Variants in PTPRS observed in about 807,000 individuals in gnomAD.
The protein encoded by PTPRS is receptor-type tyrosine-protein phosphatase S.
In PTPRS, 63 loss-of-function variants were observed where a neutral mutation model predicts 215.3. The ratio of observed to expected loss-of-function variants is 0.29; its 90% CI spans 0.24 to 0.36. The LOEUF (loss-of-function observed/expected upper bound fraction) is 0.36. PTPRS is among the 10% of genes least tolerant of loss of function. The pLI, the probability that PTPRS is intolerant of heterozygous loss-of-function variation, is 1.00. For missense variants in PTPRS, 2,258 were observed against 2,825.8 expected (o/e 0.80, Z 4.56); for synonymous variants, 1,404 against 1,191.4 (o/e 1.18, Z -3.68).
At position 5,208,253 on chromosome 19, in the gene PTPRS, T is replaced by G; in HGVS notation, c.5626A>C (p.Ile1876Leu). The G allele has an allele frequency of 1.9e-6, 3 of 1,606,036 alleles. No individual in the cohort carries two copies. Among genetic ancestry groups the G allele is most frequent in the Non-Finnish European group, 1.7e-6 (2 of 1,175,912 alleles). ...GGAGCTCACCTGCAGTGGACAGAGATGGGGCCGTCCTGGCCAAACTGCTCC... is the reference window on the plus strand; with the variant it reads ...GGAGCTCACCTGCAGTGGACAGAGAGGGGGCCGTCCTGGCCAAACTGCTCC... ...TKEQFGQDGP[I>L]SVHCSAGVGR... Residue 1876 changes from isoleucine (I) to leucine (L), a missense_variant, in exon 36 of 38, where the codon ATC (isoleucine) becomes CTC (leucine). By Grantham distance (5) the Ile-to-Leu change is conservative. Coordinates refer to ENST00000262963, the MANE Select transcript of PTPRS (RefSeq NM_002850.4).
intron 25 of PTPRS, among the ~76,000 whole-genome samples, chr19:5,217,920 T>C (rs2041631215): frequency 6.6e-6 from 1 of 152,076 alleles, no homozygotes; most frequent in South Asian, 2.1e-4. Flanking sequence ...CAGGGAACTA[T>C]AAAGAGGCAT....
At chr19:5,321,258 G>A (rs2050017368) in intron 1 of PTPRS, among the ~76,000 whole-genome samples, 1 of 152,126 alleles carries the variant, frequency 6.6e-6, no homozygotes, top group Non-Finnish European at 1.5e-5. Context: ...GGGCAACAGA[G>A]CAAGACCCTG....
rs776422958 is a variant in PTPRS at position 5,223,232 on chromosome 19, G to T, written c.2560C>A (p.Pro854Thr). The change falls in exon 18 of 38, where the codon CCC becomes ACC. Residue 854 changes from proline (P) to threonine (T), a missense_variant. Pro to Thr is a conservative substitution (Grantham distance 38). This residue lies in a region of PTPRS where 361 missense variants were observed against 332.6 expected (regional missense o/e 1.09). Transcript: ENST00000262963. ...TGGTCCTCCGCGGTGCCAGCCGGGG[G>T]CTCCCAGCGTGCCAGCAGGCTGCCC... The part of the protein sequence containing the change: ...PEGSLLARWE[P>T]PAGTAEDQVL... 3 of 1,491,342 alleles carry T rather than the reference G, an allele frequency of 2.0e-6. No homozygotes were observed. Among genetic ancestry groups the T allele is most frequent in the Non-Finnish European group, 8.9e-7 (1 of 1,120,898 alleles). 92.4% of individuals were successfully genotyped at this position (1,491,342 alleles called of 1,614,324 possible).
chr19:5,208,810 G>C (rs2040605167), intron 35 of PTPRS, among the ~76,000 whole-genome samples: 1 of 152,014 alleles, frequency 6.6e-6, no homozygotes, highest in African/African-American at 2.4e-5. Flanking sequence ...ATGACATCCA[G>C]CACCTCCATC....
chr19:5,208,124 G>A (rs756167401), intron 36 of PTPRS, 67 bp from the exon 37 acceptor site: 23 of 1,580,648 alleles, frequency 1.5e-5, no homozygotes, highest in Non-Finnish European at 1.8e-5. Context: ...CTGACCACCC[G>A]ATTCCCCGAG....
At chr19:5,229,221 TTAC>T in intron 16 of PTPRS, 92 bp downstream of exon 16, 1 of 1,260,648 alleles carries the variant, frequency 7.9e-7, no homozygotes, top group Non-Finnish European at 1.0e-6. Context: ...GGAGACCGTT[TTAC>T]TACTGATGAT....
chr19:5,268,605 C>G (rs746000063), intron 4 of PTPRS, among the ~76,000 whole-genome samples: 12 of 152,024 alleles, frequency 7.9e-5, no homozygotes, highest in African/African-American at 7.3e-5. Context: ...CCCAGGATTA[C>G]GAGAGAGCGG....
intron 18 of PTPRS, 109 bp from the exon 19 acceptor site, chr19:5,222,329 T>C (rs1176138730): frequency 1.1e-6 from 1 of 898,238 alleles, no homozygotes; most frequent in Non-Finnish European, 1.8e-6. Context: ...GCGCTCCCTG[T>C]CGTCCGCTGT....
rs368562196 is a variant in PTPRS at position 5,214,468 on chromosome 19, G to C, written c.4507C>G (p.Gln1503Glu). ...TCCGTGCCTCTGTTGGGCCAATACT[G>C]ATCACACTTGATCTGTATCGGGCAA... ...LEEKSRIKCD[Q>E]YWPNRGTETY... Residue 1503 changes from glutamine to glutamate, a missense_variant, in exon 30 of 38, where the codon CAG becomes GAG. Around this residue, in one of 6 missense-constraint regions of PTPRS, gnomAD observed 927 missense variants for 1,125.9 expected, o/e 0.82. Coordinates refer to ENST00000262963, the MANE Select transcript of PTPRS (RefSeq NM_002850.4). 35 of 1,614,030 alleles carry C rather than the reference G, an allele frequency of 2.2e-5. No homozygotes were observed. The highest frequency in any genetic ancestry group is 3.0e-5 in the Non-Finnish European group (35 of 1,180,046).
At chr19:5,232,598 G>A (rs2043108164) in intron 13 of PTPRS, among the ~76,000 whole-genome samples, 1 of 149,976 alleles carries the variant, frequency 6.7e-6, no homozygotes, top group South Asian at 2.1e-4. Flanking sequence ...ACCATACCAA[G>A]GGGAATGGCA....
At chr19:5,208,990 G>A (rs1312699511) in intron 35 of PTPRS, among the ~76,000 whole-genome samples, 2 of 151,982 alleles carry the variant, frequency 1.3e-5, no homozygotes, top group Non-Finnish European at 2.9e-5. Context: ...CAACCCAATG[G>A]TGCCATCATC....
intron 2 of PTPRS, among the ~76,000 whole-genome samples, chr19:5,285,383 A>G (rs35581124): frequency 0.18 from 26,795 of 152,150 alleles, 2,758 homozygotes; most frequent in Non-Finnish European, 0.24. Flanking sequence ...TCCTCTTCAC[A>G]TTACAGCCAG....
At chr19:5,274,563 T>C (rs1036869025) in intron 2 of PTPRS, among the ~76,000 whole-genome samples, 4 of 151,914 alleles carry the variant, frequency 2.6e-5, no homozygotes, top group African/African-American at 9.7e-5. Context: ...TATCCCCACT[T>C]CCACCTGCAA....
intron 35 of PTPRS, among the ~76,000 whole-genome samples, chr19:5,208,781 C>T (rs1249740152): frequency 6.6e-6 from 1 of 152,110 alleles, no homozygotes; most frequent in Non-Finnish European, 1.5e-5. Context: ...CCAGCTGTTC[C>T]TCTCCCCACA....
At chr19:5,269,699 T>G (rs1222736629) in intron 4 of PTPRS, among the ~76,000 whole-genome samples, 1 of 151,938 alleles carries the variant, frequency 6.6e-6, no homozygotes, top group Non-Finnish European at 1.5e-5. Flanking sequence ...AGGAGGTGGA[T>G]CACCTGAGGT....
In PTPRS at chr19:5,339,531, G is replaced by C. The variant is rs2050616925; in HGVS notation, c.-95+1133C>G. 6.6e-6 allele frequency among the ~76,000 whole-genome samples: 1 copy of C among 152,056 alleles called. No individual in the cohort carries two copies. The highest frequency in any genetic ancestry group is 2.4e-5 in the African/African-American group (1 of 41,402). On this transcript the variant is annotated intron_variant, in intron 1 of 37. Coordinates refer to ENST00000262963, the MANE Select transcript of PTPRS (RefSeq NM_002850.4). This position sits in a 1 kb window ranked among gnomAD's most constrained non-coding sequence, Gnocchi z 4.2. ...AGGGGAGTTCCCCAATTTGGGAAGG[G>C]GGGGAATTGGTGGGAAATGTCCAGG...
At chr19:5,262,886 G>C in intron 6 of PTPRS, 78 bp downstream of exon 6, 1 of 1,427,080 alleles carries the variant, frequency 7.0e-7, no homozygotes, top group Non-Finnish European at 9.7e-7. Context: ...CTGTTAGTTT[G>C]GTGAGGAGAA....
chr19:5,246,336 A>C (rs1213330553), intron 9 of PTPRS, among the ~76,000 whole-genome samples: 1 of 152,256 alleles, frequency 6.6e-6, no homozygotes, highest in Non-Finnish European at 1.5e-5. Context: ...GGTACTTCAC[A>C]AACAATATAT....
chr19:5,212,934 A>G (rs2041057037), intron 30 of PTPRS, among the ~76,000 whole-genome samples: 1 of 151,798 alleles, frequency 6.6e-6, no homozygotes, highest in Non-Finnish European at 1.5e-5. Context: ...GTTTCCAAGT[A>G]GAGTCTTGCG....
Sources: allele counts gnomAD v4.1 joint callset (sites outside exome capture counted in the v4.1 genomes callset), GRCh38; gene constraint gnomAD v4.1.1; regional missense constraint gnomAD v4.1.1; non-coding constraint Gnocchi (gnomAD v3.1); transcripts MANE v1.5; gene names NCBI Gene and HGNC (gene_info 2026-07-23, HGNC 2026-07-21).